Variants in AGO4 observed in about 807,000 individuals in gnomAD.
The protein encoded by AGO4 is argonaute RISC component 4, also known as protein argonaute-4.
In AGO4, 33 loss-of-function variants were observed where a neutral mutation model predicts 104.7. That is an observed-to-expected ratio of 0.32 (90% confidence interval 0.24 to 0.42). AGO4 has a LOEUF of 0.42. AGO4 is among the 10% of genes least tolerant of loss of function. The pLI is 1.00. For synonymous variants in AGO4, 331 were observed against 364.7 expected, an observed-to-expected ratio of 0.91 and a Z score of 1.05; for missense variants, 711 against 1,083.4, an observed-to-expected ratio of 0.66 and a Z score of 4.83.
chr1:35,809,415 A>T (rs2148643532), intron 1 of AGO4, among the ~76,000 whole-genome samples: 1 of 152,252 alleles, frequency 6.6e-6, no homozygotes, highest in African/African-American at 2.4e-5. Context: ...AGAGTGTTTC[A>T]TCTTTTTAGT....
Position 35,835,973 on chromosome 1 carries a change from T to A in AGO4, c.1704T>A (p.Asn568Lys). ...ATGCAAAACTTGGAGGAATTAACAA[T>A]GTGCTTGTGCCTCATCAAAGGTAAG... is the stretch of plus-strand genomic sequence containing the variant. ...KINAKLGGINNVLVPHQRPSV... is the reference protein window; with the variant it reads ...KINAKLGGINKVLVPHQRPSV... Residue 568 changes from asparagine to lysine, a missense_variant, in exon 13 of 18, where the codon AAT (asparagine) becomes AAA (lysine). This residue lies in a region of AGO4 where 401 missense variants were observed against 665.5 expected (regional missense o/e 0.60). Transcript: ENST00000373210. 6.2e-7 allele frequency: 1 copy of A among 1,613,942 alleles called. No homozygotes were observed. The highest frequency in any genetic ancestry group is 1.3e-5 in the African/African-American group (1 of 75,042).
Position 35,815,145 on chromosome 1 carries a change from T to C in AGO4, c.20-1737T>C, listed in dbSNP as rs557561424. On this transcript the variant is annotated intron_variant, in intron 1 of 17. Coordinates refer to ENST00000373210, the MANE Select transcript of AGO4 (RefSeq NM_017629.4). Reference sequence around the variant, plus strand: ...TGCCTGCCTTGGCCTCCCGAAGTGCTGGGATTACAGGTGTGAGCCACCACG... The same window carrying C: ...TGCCTGCCTTGGCCTCCCGAAGTGCCGGGATTACAGGTGTGAGCCACCACG... Among the ~76,000 whole-genome samples the C allele has an allele frequency of 2.6e-4, 40 of 152,326 alleles. No individual in the cohort carries two copies. The East Asian group carries it at 7.5e-3, about 29-fold the overall frequency.
intron 2 of AGO4, among the ~76,000 whole-genome samples, chr1:35,818,658 A>AAAGAAAGAAAGAAAGAAAGAAAGG (rs1553144552): frequency 1.3e-4 from 8 of 61,572 alleles, no homozygotes; most frequent in African/African-American, 4.0e-4. Flanking sequence ...AGAAAGAAAG[A>AAAGAAAGAAAGAAAGAAAGAAAGG]AAGGAAGAAA....
At chr1:35,834,458 A>G (rs1370974398) in intron 12 of AGO4, among the ~76,000 whole-genome samples, 1 of 152,086 alleles carries the variant, frequency 6.6e-6, no homozygotes, top group Non-Finnish European at 1.5e-5. Context: ...CTTGGCCACA[A>G]CCAGCCATAT....
chr1:35,814,375 A>G (rs936692197), intron 1 of AGO4, among the ~76,000 whole-genome samples: 8 of 152,068 alleles, frequency 5.3e-5, no homozygotes, highest in African/African-American at 1.7e-4. Context: ...TTACATATGT[A>G]TACATGTGCC....
intron 13 of AGO4, among the ~76,000 whole-genome samples, chr1:35,836,471 G>A (rs1644315886): frequency 6.6e-6 from 1 of 152,184 alleles, no homozygotes; most frequent in South Asian, 2.1e-4. Context: ...GTGCAGTGAT[G>A]CGATCTCGGC....
rs187368754 is a variant in AGO4, at chr1:35,853,047, G to A, written c.2478-450G>A. Reference sequence around the variant, plus strand: ...AGGCGGATCACGAGGTCAGGAGATCGAGACCATCCTGGCTAACATGGTGAA... The same window carrying A: ...AGGCGGATCACGAGGTCAGGAGATCAAGACCATCCTGGCTAACATGGTGAA... On this transcript the variant is annotated intron_variant, in intron 17 of 17. Transcript: ENST00000373210. Among the ~76,000 whole-genome samples the A allele has an allele frequency of 5.2e-3, 786 of 152,192 alleles. 5 individuals carry two copies. The highest frequency in any genetic ancestry group is 0.018 in the African/African-American group (744 of 41,530).
In AGO4 at chr1:35,853,852, A is replaced by G. The variant is rs535021719; in HGVS notation, c.*247A>G. 35 of 336,596 alleles carry G rather than the reference A, an allele frequency of 1.0e-4. No individual in the cohort carries two copies. Among genetic ancestry groups the G allele is most frequent in the Middle Eastern group, 8.6e-4 (1 of 1,162 alleles). 20.9% of individuals were successfully genotyped at this position (336,596 alleles called of 1,614,324 possible). A position where few individuals can be genotyped will look rare whatever the true frequency, so the allele number is the denominator to read the frequency against. ...TGCACTGGACTGAATTTTTACCTCA[A>G]TGTGCAAAGGCTGATCAGCCTGAAC... On this transcript the variant is annotated 3_prime_UTR_variant, in exon 18 of 18. Transcript: ENST00000373210.
rs550919575 is a variant in AGO4, at chr1:35,820,872, T to A, written c.186-1990T>A. Among the ~76,000 whole-genome samples, 14 of 152,174 alleles carry A rather than the reference T, an allele frequency of 9.2e-5. 2 individuals are homozygous for A. The highest frequency in any genetic ancestry group is 1.9e-4 in the Non-Finnish European group (13 of 68,042). The stretch of plus-strand genomic sequence containing the variant: ...TTTTACCTAACACTGTATAAATAAA[T>A]AAATACTCTGTGTGTTTGCTCAATT... On this transcript the variant is annotated intron_variant, in intron 2 of 17. Coordinates refer to ENST00000373210, the MANE Select transcript of AGO4 (RefSeq NM_017629.4).
In AGO4 at chr1:35,825,340, G is replaced by C; in HGVS notation, c.334G>C (p.Glu112Gln). 6.2e-7 allele frequency: 1 copy of C among 1,613,934 alleles called. No homozygotes were observed. Among genetic ancestry groups the C allele is most frequent in the Non-Finnish European group, 8.5e-7 (1 of 1,179,912 alleles). The change falls in exon 4 of 18, where the codon GAG becomes CAG. Residue 112 changes from glutamate to glutamine, a missense_variant. Transcript: ENST00000373210. ...TGATATGGAGGTGACTCTTCCAGGC[G>C]AGGGTAAAGACCAAACATTTAAAGT... ...RVDMEVTLPG[E>Q]GKDQTFKVSV...
chr1:35,837,554 A>T (rs2148673909), intron 13 of AGO4, among the ~76,000 whole-genome samples: 1 of 151,612 alleles, frequency 6.6e-6, no homozygotes, highest in Admixed American at 6.6e-5. Flanking sequence ...TAATGTTTTT[A>T]TTTTTTATAG....
intron 13 of AGO4, among the ~76,000 whole-genome samples, chr1:35,839,458 A>G (rs1000282909): frequency 2.6e-5 from 4 of 152,108 alleles, no homozygotes; most frequent in African/African-American, 9.7e-5. Flanking sequence ...TTCCTCTCCT[A>G]GCTGTGTGAT....
chr1:35,831,128 G>A (rs933993044), intron 7 of AGO4, among the ~76,000 whole-genome samples: 6 of 152,008 alleles, frequency 3.9e-5, no homozygotes, highest in Non-Finnish European at 5.9e-5. Flanking sequence ...TTGGGAGGCC[G>A]AGGTGGGCGG....
chr1:35,826,745 C>T lies in AGO4; in HGVS notation c.761-3C>T, dbSNP rs1326346002. The T allele has an allele frequency of 3.7e-6, 6 of 1,613,662 alleles. No homozygotes were observed. Among genetic ancestry groups the T allele is most frequent in the Non-Finnish European group, 5.1e-6 (6 of 1,179,710 alleles). Reference sequence around the variant, plus strand: ...ATGTTTTGCCTTTTAAAAAAAATTTCAGGTCTCAAAGTTGAGGTGACCCAC... The same window carrying T: ...ATGTTTTGCCTTTTAAAAAAAATTTTAGGTCTCAAAGTTGAGGTGACCCAC... On this transcript the variant is annotated splice_polypyrimidine_tract_variant and splice_region_variant and intron_variant, in intron 6 of 17. Transcript: ENST00000373210.
At chr1:35,816,798 CAAAAA>C (rs72065876) in intron 1 of AGO4, 79 bp from the exon 2 acceptor site, 423 of 1,038,712 alleles carry the variant, frequency 4.1e-4, no homozygotes, top group South Asian at 6.5e-4. Context: ...AACTCTGTCT[CAAAAA>C]AAAAAAAAAA....
intron 15 of AGO4, among the ~76,000 whole-genome samples, chr1:35,847,422 T>C (rs1644598134): frequency 6.6e-6 from 1 of 151,938 alleles, no homozygotes; most frequent in Non-Finnish European, 1.5e-5. Flanking sequence ...TTAGTAGAGA[T>C]GGAGTTTCAC....
intron 1 of AGO4, among the ~76,000 whole-genome samples, chr1:35,811,302 G>A (rs1458976322): frequency 1.3e-5 from 2 of 151,554 alleles, no homozygotes; most frequent in Non-Finnish European, 1.5e-5. Flanking sequence ...AGTGAAACCC[G>A]TCTCTACTAA....
At chr1:35,852,823 A>AGAAAAATGACATTT (rs1553150296) in intron 17 of AGO4, among the ~76,000 whole-genome samples, 1 of 152,250 alleles carries the variant, frequency 6.6e-6, no homozygotes, top group African/African-American at 2.4e-5. Flanking sequence ...ATTTCTGTGC[A>AGAAAAATGACATTT]GAAAAATGAC....
intron 15 of AGO4, among the ~76,000 whole-genome samples, chr1:35,844,962 AGTT>A (rs2148682306): frequency 6.6e-6 from 1 of 152,314 alleles, no homozygotes; most frequent in Non-Finnish European, 1.5e-5. Flanking sequence ...ACTCCATTGA[AGTT>A]GTTGTCTCAA....
Sources: gnomAD v4.1 joint callset for allele counts (sites outside exome capture counted in the v4.1 genomes callset) on GRCh38, gnomAD v4.1.1 for gene constraint, gnomAD v4.1.1 regional missense constraint, MANE v1.5 for transcripts, NCBI Gene and HGNC (gene_info 2026-07-23, HGNC 2026-07-21) for gene names.